Variants in FGF12 observed in about 807,000 individuals in gnomAD.
FGF12 encodes fibroblast growth factor 12B.
A neutral mutation model predicts 23.6 loss-of-function variants in FGF12; 14 were observed. That is an observed-to-expected ratio of 0.59 (90% CI 0.39 to 0.93). FGF12 has a LOEUF of 0.93. Ranked by LOEUF, FGF12 falls within the 40% of genes least tolerant of loss-of-function variation. The pLI is 0.00. For missense variants in FGF12, 175 were observed against 217.8 expected (o/e 0.80, Z 1.24); for synonymous variants, 62 against 77.3 (o/e 0.80, Z 1.04).
intron 2 of FGF12, among the ~76,000 whole-genome samples, chr3:192,545,841 G>A (rs1725481694): frequency 6.6e-6 from 1 of 152,142 alleles, no homozygotes; most frequent in African/African-American, 2.4e-5. Flanking sequence ...GGACATTTGA[G>A]CTGTGGGCAA....
At chr3:192,177,392 T>G (rs551172740) in intron 4 of FGF12, among the ~76,000 whole-genome samples, 32 of 152,352 alleles carry the variant, frequency 2.1e-4, no homozygotes, top group Non-Finnish European at 2.4e-4. Flanking sequence ...GTATGACATC[T>G]GCTCAGAATA....
chr3:192,260,788 C>A (rs1712697517), intron 4 of FGF12, among the ~76,000 whole-genome samples: 1 of 152,206 alleles, frequency 6.6e-6, no homozygotes, highest in African/African-American at 2.4e-5. Flanking sequence ...AGGGGCCTGA[C>A]TCATTTCTTA....
At chr3:192,721,100 G>C (rs909402037) in intron 2 of FGF12, among the ~76,000 whole-genome samples, 2 of 152,106 alleles carry the variant, frequency 1.3e-5, no homozygotes, top group Non-Finnish European at 2.9e-5. Flanking sequence ...AGTTTTTGTG[G>C]GAGTTAATGA....
intron 4 of FGF12, among the ~76,000 whole-genome samples, chr3:192,303,384 T>C (rs902803467): frequency 6.6e-6 from 1 of 152,176 alleles, no homozygotes; most frequent in Non-Finnish European, 1.5e-5. Context: ...CAGTCAGAAA[T>C]GCCTGCTTGG....
rs115951381 is a variant in FGF12 at position 192,430,732 on chromosome 3, G to T, written c.14-70194C>A. Reference sequence around the variant, plus strand: ...TAATGAGTTTGGCCCTAGGGTGAAAGGGGGAATGAGGGAAGGCATTTCGCC... The same window carrying T: ...TAATGAGTTTGGCCCTAGGGTGAAATGGGGAATGAGGGAAGGCATTTCGCC... On this transcript the variant is annotated intron_variant, in intron 2 of 5. Transcript: ENST00000445105. Among the ~76,000 whole-genome samples, 473 of 152,232 alleles carry T rather than the reference G, an allele frequency of 3.1e-3. 2 individuals are homozygous for T. The highest frequency in any genetic ancestry group is 0.011 in the African/African-American group (442 of 41,552).
intron 4 of FGF12, among the ~76,000 whole-genome samples, chr3:192,232,513 G>GTATTTATTTATTTATTTATTTATT (rs112832511): frequency 9.5e-5 from 14 of 147,472 alleles, no homozygotes; most frequent in East Asian, 4.1e-4. Context: ...CCATGCACGT[G>GTATTTATTTATTTATTTATTTATT]TATTTATTTA....
chr3:192,711,275 C>T (rs1280770425), intron 2 of FGF12, among the ~76,000 whole-genome samples: 38 of 128,988 alleles, frequency 2.9e-4, no homozygotes, highest in South Asian at 2.6e-4. Flanking sequence ...CCGCCCCGTC[C>T]GGGAGGGAGG....
chr3:192,271,518 C>G (rs1017032767), intron 4 of FGF12, among the ~76,000 whole-genome samples: 2 of 152,096 alleles, frequency 1.3e-5, no homozygotes, highest in Non-Finnish European at 2.9e-5. Context: ...CTTTGAAATC[C>G]AACCTACAAA....
chr3:192,655,939 T>C (rs1295618606), intron 2 of FGF12, among the ~76,000 whole-genome samples: 1 of 151,334 alleles, frequency 6.6e-6, no homozygotes, highest in Non-Finnish European at 1.5e-5. Context: ...AAGAAGCTGT[T>C]TGGGACTGGA....
At chr3:192,171,897 C>CCTCTCTCTCTCTCTTTCTCTCT (rs1560177913) in intron 4 of FGF12, among the ~76,000 whole-genome samples, 1 of 151,646 alleles carries the variant, frequency 6.6e-6, no homozygotes, top group Non-Finnish European at 1.5e-5. Context: ...TCTTTCTCTC[C>CCTCTCTCTCTCTCTTTCTCTCT]CTCTCTCCTT....
At chr3:192,208,712 T>C (rs924541932) in intron 4 of FGF12, among the ~76,000 whole-genome samples, 3 of 152,224 alleles carry the variant, frequency 2.0e-5, no homozygotes, top group African/African-American at 4.8e-5. Flanking sequence ...GAACCCTCTT[T>C]GAGGAATGCT....
intron 4 of FGF12, among the ~76,000 whole-genome samples, chr3:192,280,415 A>G (rs1296817907): frequency 6.6e-6 from 1 of 152,116 alleles, no homozygotes; most frequent in Non-Finnish European, 1.5e-5. Context: ...CATATATATT[A>G]TAATTATCTG....
intron 2 of FGF12, among the ~76,000 whole-genome samples, chr3:192,376,542 A>G (rs1184709337): frequency 6.6e-6 from 1 of 151,788 alleles, no homozygotes; most frequent in Non-Finnish European, 1.5e-5. Flanking sequence ...TTGTATTTTT[A>G]GTAGAGACGG....
chr3:192,389,103 T>C (rs900284912), intron 2 of FGF12, among the ~76,000 whole-genome samples: 21 of 152,230 alleles, frequency 1.4e-4, no homozygotes, highest in African/African-American at 5.1e-4. Context: ...CTCACGCCTG[T>C]AATCCCAGCA....
At chr3:192,603,041 T>C (rs1268223190) in intron 2 of FGF12, among the ~76,000 whole-genome samples, 1 of 152,026 alleles carries the variant, frequency 6.6e-6, no homozygotes, top group Non-Finnish European at 1.5e-5. Context: ...TATCTCAAAA[T>C]AATAAGACCT....
chr3:192,285,806 T>C (rs540530602), intron 4 of FGF12, among the ~76,000 whole-genome samples: 2 of 152,184 alleles, frequency 1.3e-5, no homozygotes, highest in East Asian at 1.9e-4. Context: ...TTCTAGACTA[T>C]TTCAAGGTTA....
At chr3:192,429,422 C>A (rs948985356) in intron 2 of FGF12, among the ~76,000 whole-genome samples, 4 of 152,146 alleles carry the variant, frequency 2.6e-5, no homozygotes, top group Admixed American at 2.6e-4. Context: ...TAACTTCCCC[C>A]TCCAACATTT....
chr3:192,421,851 C>T (rs927149728), intron 2 of FGF12, among the ~76,000 whole-genome samples: 8 of 151,790 alleles, frequency 5.3e-5, no homozygotes, highest in Admixed American at 2.6e-4. Context: ...CTCATCTCAA[C>T]GAAACTCTCT....
intron 2 of FGF12, among the ~76,000 whole-genome samples, chr3:192,667,165 C>T (rs1017011999): frequency 6.6e-6 from 1 of 152,148 alleles, no homozygotes; most frequent in Non-Finnish European, 1.5e-5. Flanking sequence ...GAGAATTTCC[C>T]AACCTAGTGG....
Sources: allele counts gnomAD v4.1 joint callset (sites outside exome capture counted in the v4.1 genomes callset), GRCh38; gene constraint gnomAD v4.1.1; transcripts MANE v1.5; gene names NCBI Gene and HGNC (gene_info 2026-07-23, HGNC 2026-07-21).